The following SWAP70 variants were observed in gnomAD, a reference collection of about 807,000 sequenced individuals.
SWAP70 encodes switch-associated protein 70.
In SWAP70, 34 loss-of-function variants were observed where a neutral mutation model predicts 80.2. That is an observed-to-expected ratio of 0.42 (90% CI 0.32 to 0.56). SWAP70 has a LOEUF of 0.56. Among genes scored for constraint, SWAP70 ranks in the 20% least tolerant of loss-of-function variants. The probability of loss-of-function intolerance (pLI) is 0.09; values close to 1 mark genes in which losing one functional copy is unlikely to be tolerated. For synonymous variants in SWAP70, 239 were observed against 238.5 expected (o/e 1.00, Z -0.02); for missense variants, 578 against 690.7 (o/e 0.84, Z 1.83).
chr11:9,684,196 C>T (rs1462487796), intron 1 of SWAP70, among the ~76,000 whole-genome samples: 1 of 152,120 alleles, frequency 6.6e-6, no homozygotes, highest in East Asian at 1.9e-4. Context: ...GTCCTCCCAC[C>T]TCAGCCTGCT....
rs149379402 is a variant in SWAP70, at chr11:9,717,097, A to T, written c.414+3458A>T. Among the ~76,000 whole-genome samples, 556 of 152,304 alleles carry T rather than the reference A, an allele frequency of 3.7e-3. 6 individuals carry two copies. The highest frequency in any genetic ancestry group is 0.013 in the African/African-American group (536 of 41,564). ...TTTAACAATTAGGTGCTCGCTGGTG[A>T]TCAAGGAGAAGGCAGTTTCGCTGTA... On this transcript the variant is annotated intron_variant, in intron 3 of 11. Transcript: ENST00000318950.
At chr11:9,747,100 G>A (rs1851522098) in intron 9 of SWAP70, among the ~76,000 whole-genome samples, 1 of 152,164 alleles carries the variant, frequency 6.6e-6, no homozygotes, top group African/African-American at 2.4e-5. Context: ...CTGTTTGTTA[G>A]TTTATTTAAA....
At position 9,729,369 on chromosome 11, in the gene SWAP70, A is replaced by G; in HGVS notation, c.816A>G (p.Lys272=). Residue 272 remains lysine, a synonymous_variant, in exon 6 of 12, where the codon AAA becomes AAG. Coordinates refer to ENST00000318950, the MANE Select transcript of SWAP70 (RefSeq NM_015055.4). ...CCTTGCCTGACAAAGATGGAAAGAA[A>G]TGCCTTTTTCTCGTAAAATGTTTTG... ...VESLPDKDGK[K]CLFLVKCFDK... 6.2e-7 allele frequency: 1 copy of G among 1,613,804 alleles called. No individual in the cohort carries two copies. Among genetic ancestry groups the G allele is most frequent in the Non-Finnish European group, 8.5e-7 (1 of 1,179,854 alleles).
At chr11:9,725,569 ATTTTTTT>A (rs746391271) in intron 4 of SWAP70, among the ~76,000 whole-genome samples, 30 of 26,592 alleles carry the variant, frequency 1.1e-3, no homozygotes, top group South Asian at 1.7e-3. Context: ...ATATATATAT[ATTTTTTT>A]TTTTTTTTTT....
chr11:9,730,531 A>G (rs1348324992), intron 6 of SWAP70, among the ~76,000 whole-genome samples: 1 of 152,164 alleles, frequency 6.6e-6, no homozygotes, highest in Non-Finnish European at 1.5e-5. Context: ...GGTTGATTCC[A>G]TATCTTAGAG....
intron 3 of SWAP70, among the ~76,000 whole-genome samples, chr11:9,724,344 C>T (rs1014266871): frequency 2.0e-5 from 3 of 152,280 alleles, no homozygotes; most frequent in African/African-American, 4.8e-5. Context: ...TATTTAACAG[C>T]GAGTAATCAG....
chr11:9,721,560 C>T (rs1484690305), intron 3 of SWAP70, among the ~76,000 whole-genome samples: 1 of 151,014 alleles, frequency 6.6e-6, no homozygotes, highest in Non-Finnish European at 1.5e-5. Context: ...TAACCTCAAA[C>T]TCCTTGGCTC....
intron 2 of SWAP70, among the ~76,000 whole-genome samples, chr11:9,694,954 C>T (rs1323875571): frequency 5.9e-5 from 9 of 152,116 alleles, no homozygotes; most frequent in Non-Finnish European, 1.2e-4. Context: ...AATTGCATTA[C>T]TGGGTATATA....
chr11:9,745,322 C>T (rs919008511), intron 9 of SWAP70, among the ~76,000 whole-genome samples: 4 of 152,050 alleles, frequency 2.6e-5, no homozygotes, highest in Non-Finnish European at 5.9e-5. Flanking sequence ...GGAGTCACTC[C>T]GAGTGTGTTG....
At chr11:9,724,967 A>G in intron 4 of SWAP70, 82 bp downstream of exon 4, 4 of 1,003,450 alleles carry the variant, frequency 4.0e-6, no homozygotes, top group Non-Finnish European at 5.9e-6. Flanking sequence ...AAAGATGAGT[A>G]TAAGTCACTT....
Position 9,749,120 on chromosome 11 carries a change from A to G in SWAP70, c.1588A>G (p.Lys530Glu), listed in dbSNP as rs749430381. 6.2e-7 allele frequency: 1 copy of G among 1,613,180 alleles called. No individual in the cohort carries two copies. The highest frequency in any genetic ancestry group is 8.5e-7 in the Non-Finnish European group (1 of 1,179,424). Reference sequence around the variant, plus strand: ...AAAGAAGCTGGAGATGGCAACTAATAAGACCAAGAGCTGGAAGGACAAAGT... The same window carrying G: ...AAAGAAGCTGGAGATGGCAACTAATGAGACCAAGAGCTGGAAGGACAAAGT... The part of the protein sequence containing the change: ...VKKKLEMATN[K>E]TKSWKDKVAH... The change falls in exon 11 of 12, where the codon AAG becomes GAG. Residue 530 changes from lysine (K) to glutamate (E), a missense_variant. By Grantham distance (56) the Lys-to-Glu change is moderately conservative. Transcript: ENST00000318950.
At chr11:9,712,043 C>G (rs1851005285) in intron 2 of SWAP70, among the ~76,000 whole-genome samples, 1 of 152,166 alleles carries the variant, frequency 6.6e-6, no homozygotes, top group Non-Finnish European at 1.5e-5. Context: ...ACTCTTGATG[C>G]TGCTTGAGAA....
At chr11:9,666,815 C>T (rs901703269) in intron 1 of SWAP70, among the ~76,000 whole-genome samples, 3 of 149,232 alleles carry the variant, frequency 2.0e-5, no homozygotes, top group African/African-American at 7.4e-5. Flanking sequence ...ACCTCTGCCT[C>T]CCGGGTTCAA....
chr11:9,737,789 G>A (rs780646373), intron 7 of SWAP70, among the ~76,000 whole-genome samples: 11 of 152,184 alleles, frequency 7.2e-5, no homozygotes, highest in Non-Finnish European at 1.3e-4. Context: ...CCGGCTACTC[G>A]GGAGGCTGAG....
chr11:9,696,619 G>A (rs1403865859), intron 2 of SWAP70, among the ~76,000 whole-genome samples: 2 of 151,958 alleles, frequency 1.3e-5, no homozygotes, highest in Admixed American at 1.3e-4. Context: ...TTAAAAAAAG[G>A]TTTTTTTATG....
Position 9,685,758 on chromosome 11 carries a change from C to T in SWAP70, c.100-8388C>T, listed in dbSNP as rs993801436. ...AAGCAATTCTCCTGCCTCAGCTTCC[C>T]GAGTAGCTGGGACTACAGGCACACA... On this transcript the variant is annotated intron_variant, in intron 1 of 11. Coordinates refer to ENST00000318950, the MANE Select transcript of SWAP70 (RefSeq NM_015055.4). Among the ~76,000 whole-genome samples the T allele has an allele frequency of 3.3e-5, 5 of 152,192 alleles. No homozygotes were observed. The East Asian group carries it at 7.7e-4, about 23-fold the overall frequency.
chr11:9,704,504 C>T (rs1051125835), intron 2 of SWAP70, among the ~76,000 whole-genome samples: 3 of 152,072 alleles, frequency 2.0e-5, no homozygotes, highest in Non-Finnish European at 2.9e-5. Context: ...AAGTGATTCT[C>T]ATGCCTCAGC....
chr11:9,717,623 G>A (rs1851082671), intron 3 of SWAP70, among the ~76,000 whole-genome samples: 2 of 145,650 alleles, frequency 1.4e-5, no homozygotes, highest in Non-Finnish European at 3.0e-5. Flanking sequence ...TCATGCCACT[G>A]CATTGTAGCC....
At chr11:9,696,441 GT>G (rs1850757921) in intron 2 of SWAP70, among the ~76,000 whole-genome samples, 1 of 152,114 alleles carries the variant, frequency 6.6e-6, no homozygotes, top group Admixed American at 6.6e-5. Flanking sequence ...GGAGTAACCA[GT>G]GTTAATAATT....
Sources: gnomAD v4.1 joint callset for allele counts (sites outside exome capture counted in the v4.1 genomes callset) on GRCh38, gnomAD v4.1.1 for gene constraint, MANE v1.5 for transcripts, NCBI Gene and HGNC (gene_info 2026-07-23, HGNC 2026-07-21) for gene names.